The following SPIDR variants were observed in gnomAD, a reference collection of about 807,000 sequenced individuals.
SPIDR encodes scaffold protein involved in DNA repair.
In SPIDR, 93 loss-of-function variants were observed where a neutral mutation model predicts 104.6. The observed-to-expected ratio is 0.89, with a 90% CI of 0.75 to 1.06. The LOEUF is 1.06. Ranked by LOEUF, SPIDR falls within the 50% of genes least tolerant of loss-of-function variation. The probability of loss-of-function intolerance (pLI) is 0.00; values close to 1 mark genes in which losing one functional copy is unlikely to be tolerated. For synonymous variants in SPIDR, 431 were observed against 416.9 expected, an observed-to-expected ratio of 1.03 and a Z score of -0.41; for missense variants, 1,154 against 1,111.2, an observed-to-expected ratio of 1.04 and a Z score of -0.55.
chr8:47,321,673 C>T (rs782613232), intron 5 of SPIDR, among the ~76,000 whole-genome samples: 4 of 152,130 alleles, frequency 2.6e-5, no homozygotes, highest in Admixed American at 6.5e-5. Context: ...CTGGAGGCAT[C>T]GTGCTACCTG....
chr8:47,291,259 A>G (rs2039849843), intron 4 of SPIDR, 122 bp downstream of exon 4: 3 of 575,744 alleles, frequency 5.2e-6, no homozygotes, highest in Non-Finnish European at 5.9e-6. Context: ...TAAATATTGG[A>G]TTTAATATTG....
At chr8:47,645,860 C>G (rs1411410612) in intron 10 of SPIDR, among the ~76,000 whole-genome samples, 9 of 152,042 alleles carry the variant, frequency 5.9e-5, no homozygotes. Flanking sequence ...ACAAATGAAT[C>G]AAAGATTTAA....
intron 8 of SPIDR, among the ~76,000 whole-genome samples, chr8:47,589,412 C>T (rs770358124): frequency 2.6e-5 from 4 of 151,804 alleles, no homozygotes; most frequent in Non-Finnish European, 5.9e-5. Flanking sequence ...GTCCCAGCTA[C>T]TCGGGAGGCT....
At chr8:47,644,903 T>A (rs114216150) in intron 10 of SPIDR, among the ~76,000 whole-genome samples, 1 of 152,114 alleles carries the variant, frequency 6.6e-6, no homozygotes, top group Non-Finnish European at 1.5e-5. Flanking sequence ...AGACACACTT[T>A]CCATGCAAAG....
At chr8:47,469,705 C>T (rs2075403072) in intron 8 of SPIDR, among the ~76,000 whole-genome samples, 1 of 152,074 alleles carries the variant, frequency 6.6e-6, no homozygotes, top group Non-Finnish European at 1.5e-5. Flanking sequence ...GAACAACAGA[C>T]ATGGGGGCCT....
chr8:47,504,423 G>C (rs182428806), intron 8 of SPIDR, among the ~76,000 whole-genome samples: 1 of 151,776 alleles, frequency 6.6e-6, no homozygotes, highest in African/African-American at 2.4e-5. Context: ...CTAGTTGATC[G>C]AATCGGCTAC....
At chr8:47,268,689 C>T (rs1236071001) in intron 1 of SPIDR, among the ~76,000 whole-genome samples, 2 of 151,976 alleles carry the variant, frequency 1.3e-5, no homozygotes, top group Admixed American at 6.6e-5. Context: ...AATTCCTGGG[C>T]TCAAGGGATG....
chr8:47,549,757 C>T (rs1175975477), intron 8 of SPIDR, among the ~76,000 whole-genome samples: 1 of 152,202 alleles, frequency 6.6e-6, no homozygotes, highest in African/African-American at 2.4e-5. Flanking sequence ...CGTGCAGAAG[C>T]TCTTTAGTTT....
At chr8:47,356,834 C>A (rs962527412) in intron 5 of SPIDR, among the ~76,000 whole-genome samples, 1 of 152,232 alleles carries the variant, frequency 6.6e-6, no homozygotes, top group African/African-American at 2.4e-5. Flanking sequence ...TTTTAAAATG[C>A]GTACAGTAAA....
At chr8:47,713,029 C>T in intron 15 of SPIDR, 157 bp downstream of exon 15, 1 of 1,406,860 alleles carries the variant, frequency 7.1e-7, no homozygotes, top group Non-Finnish European at 9.2e-7. Flanking sequence ...CTCCAGCCTT[C>T]ACTGACCCTG....
upstream of SPIDR, chr8:47,260,931 G>A (rs2031935101): frequency 1.6e-6 from 2 of 1,225,440 alleles, no homozygotes; most frequent in Non-Finnish European, 2.0e-6. Context: ...CGCTGAGGAG[G>A]CGGTGCGCTC....
chr8:47,428,468 C>CT (rs1252019411), intron 7 of SPIDR, among the ~76,000 whole-genome samples: 2 of 152,132 alleles, frequency 1.3e-5, no homozygotes, highest in Non-Finnish European at 2.9e-5. Context: ...ATGATCTAAT[C>CT]TAAGTCTCCT....
At chr8:47,480,613 A>C (rs1297207111) in intron 8 of SPIDR, among the ~76,000 whole-genome samples, 3 of 152,222 alleles carry the variant, frequency 2.0e-5, no homozygotes, top group African/African-American at 7.2e-5. Context: ...GAAAGTGTAC[A>C]ATCTGGGATC....
chr8:47,431,153 G>T (rs149892396), intron 7 of SPIDR, among the ~76,000 whole-genome samples: 1 of 152,198 alleles, frequency 6.6e-6, no homozygotes, highest in South Asian at 2.1e-4. Context: ...TTAGGCAGTC[G>T]CCTTCTTGCT....
intron 5 of SPIDR, among the ~76,000 whole-genome samples, chr8:47,345,269 T>A (rs1246389103): frequency 6.6e-6 from 1 of 152,204 alleles, no homozygotes; most frequent in Non-Finnish European, 1.5e-5. Context: ...GATCACATGG[T>A]TATAGATGTG....
chr8:47,731,339 G>A (rs934113688), intron 19 of SPIDR, among the ~76,000 whole-genome samples: 2 of 152,176 alleles, frequency 1.3e-5, no homozygotes, highest in African/African-American at 4.8e-5. Context: ...GCTCCAGCTC[G>A]GAATTGTCCC....
At chr8:47,684,359 C>T (rs1253108058) in intron 11 of SPIDR, among the ~76,000 whole-genome samples, 3 of 152,160 alleles carry the variant, frequency 2.0e-5, no homozygotes, top group African/African-American at 7.2e-5. Context: ...CTCAAGGGGA[C>T]TTGCTGGTTA....
At chr8:47,293,635 A>T (rs1309983320) in intron 4 of SPIDR, among the ~76,000 whole-genome samples, 2 of 152,086 alleles carry the variant, frequency 1.3e-5, no homozygotes, top group African/African-American at 4.8e-5. Context: ...TTTAATAGAG[A>T]CAGCATTTCA....
At chr8:47,572,422 G>A (rs750567077) in intron 8 of SPIDR, among the ~76,000 whole-genome samples, 163 of 152,170 alleles carry the variant, frequency 1.1e-3, no homozygotes, top group African/African-American at 3.2e-3. Flanking sequence ...CCAGCACTTC[G>A]GGAGTTCGAG....
Sources: allele counts gnomAD v4.1 joint callset (sites outside exome capture counted in the v4.1 genomes callset), GRCh38; gene constraint gnomAD v4.1.1; transcripts MANE v1.5; gene names NCBI Gene and HGNC (gene_info 2026-07-23, HGNC 2026-07-21).